Variants in PAK1 observed in about 807,000 individuals in gnomAD.
PAK1 encodes the protein serine/threonine-protein kinase PAK 1.
Under a neutral mutation model 67.4 loss-of-function variants are expected in PAK1, and 29 were observed. The observed-to-expected ratio is 0.43, with a 90% confidence interval of 0.32 to 0.59. The LOEUF (loss-of-function observed/expected upper bound fraction) is 0.59. PAK1 is among the 20% of genes least tolerant of loss of function. The probability of loss-of-function intolerance (pLI) is 0.07; values close to 1 mark genes in which losing one functional copy is unlikely to be tolerated. For missense variants in PAK1, 337 were observed against 670.7 expected, an observed-to-expected ratio of 0.50 and a Z score of 5.50; for synonymous variants, 223 against 237.4, an observed-to-expected ratio of 0.94 and a Z score of 0.56.
chr11:77,357,116 G>A lies in PAK1; in HGVS notation c.598-1274C>T, dbSNP rs371284774. Among the ~76,000 whole-genome samples the A allele has an allele frequency of 1.4e-3, 219 of 152,210 alleles. 8 individuals carry two copies. The South Asian group carries it at 0.044, about 30-fold the overall frequency. On this transcript the variant is annotated intron_variant, in intron 6 of 14. Transcript: ENST00000356341. ...ATCCTGCAACTGGATCCTGAAGGAC[G>A]GATAGGTTTCTACAAAGATAGAGGA...
intron 14 of PAK1, among the ~76,000 whole-genome samples, chr11:77,329,599 A>C (rs1458574172): frequency 1.3e-5 from 2 of 151,948 alleles, no homozygotes; most frequent in African/African-American, 4.8e-5. Context: ...CATGCTAAAC[A>C]CTCTCAATAA....
the PAK1 span, among the ~76,000 whole-genome samples, chr11:77,489,376 A>C: frequency 2.1e-5 from 3 of 146,194 alleles, no homozygotes; most frequent in Admixed American, 6.7e-5. Flanking sequence ...GCTCTCTCCT[A>C]TCTCCCCTCC....
chr11:77,483,490 C>A, the PAK1 span, among the ~76,000 whole-genome samples: 1 of 152,180 alleles, frequency 6.6e-6, no homozygotes, highest in Non-Finnish European at 1.5e-5. Context: ...CATGAAATTT[C>A]TTTAAAAAGG....
intron 2 of PAK1, among the ~76,000 whole-genome samples, chr11:77,387,984 G>A (rs1290956197): frequency 6.6e-6 from 1 of 152,212 alleles, no homozygotes. Context: ...TTTGATGTAT[G>A]CATTAGTTAT....
intron 1 of PAK1, among the ~76,000 whole-genome samples, chr11:77,460,422 G>A (rs1219103903): frequency 6.6e-6 from 1 of 151,078 alleles, no homozygotes; most frequent in Non-Finnish European, 1.5e-5. Context: ...CAGGAGGGGA[G>A]TAGGCTGCAG....
At chr11:77,518,734 T>C in the PAK1 span, among the ~76,000 whole-genome samples, 6 of 152,198 alleles carry the variant, frequency 3.9e-5, no homozygotes, top group Non-Finnish European at 7.3e-5. Context: ...CAGCTAAAGA[T>C]GAGCAAGTTA....
chr11:77,507,317 C>T, the PAK1 span, among the ~76,000 whole-genome samples: 1 of 152,192 alleles, frequency 6.6e-6, no homozygotes, highest in Non-Finnish European at 1.5e-5. Context: ...TTAAGATTCT[C>T]TCCTTCACGG....
chr11:77,463,682 A>C (rs1957466031), intron 1 of PAK1, among the ~76,000 whole-genome samples: 1 of 152,240 alleles, frequency 6.6e-6, no homozygotes, highest in South Asian at 2.1e-4. Flanking sequence ...AGACTTTGGC[A>C]ATTACTGTCT....
chr11:77,418,245 C>G (rs1025861789), intron 1 of PAK1, among the ~76,000 whole-genome samples: 1 of 152,098 alleles, frequency 6.6e-6, no homozygotes, highest in Non-Finnish European at 1.5e-5. Flanking sequence ...AATTTCTATG[C>G]TTATCTCATT....
At chr11:77,380,022 A>G (rs1409563076) in intron 2 of PAK1, 28 bp from the exon 3 acceptor site, 2 of 1,531,724 alleles carry the variant, frequency 1.3e-6, no homozygotes, top group African/African-American at 2.7e-5. Flanking sequence ...AAAAGGAAAT[A>G]AAAAACAGGA....
At chr11:77,331,814 TA>T (rs35258337) in intron 14 of PAK1, among the ~76,000 whole-genome samples, 36,611 of 149,348 alleles carry the variant, frequency 0.25, 5,080 homozygotes, top group Non-Finnish European at 0.32. Flanking sequence ...AAAAAAGAAT[TA>T]AAAAAAAAGA....
At chr11:77,388,837 C>G (rs1204812703) in intron 2 of PAK1, among the ~76,000 whole-genome samples, 1 of 152,206 alleles carries the variant, frequency 6.6e-6, no homozygotes, top group African/African-American at 2.4e-5. Flanking sequence ...ATAAGATTGT[C>G]CCTCCAGGTT....
intron 5 of PAK1, among the ~76,000 whole-genome samples, chr11:77,360,284 T>C (rs570902105): frequency 4.6e-5 from 7 of 152,308 alleles, no homozygotes; most frequent in African/African-American, 1.4e-4. Context: ...GTGCCGGGCA[T>C]ATATAAGCAG....
chr11:77,436,173 AG>A (rs1188234327), intron 1 of PAK1, among the ~76,000 whole-genome samples: 25 of 152,198 alleles, frequency 1.6e-4, no homozygotes, highest in African/African-American at 6.0e-4. Context: ...CCAGGTTGGC[AG>A]GGAGAGTAAG....
chr11:77,405,670 GACAGACACACACAC>G (rs1265789794), intron 1 of PAK1, among the ~76,000 whole-genome samples: 2 of 125,662 alleles, frequency 1.6e-5, no homozygotes, highest in Middle Eastern at 3.8e-3. Flanking sequence ...CAGACAGACA[GACAGACACACACAC>G]ACACACACAC....
chr11:77,428,978 G>T (rs1592437990), intron 1 of PAK1, among the ~76,000 whole-genome samples: 2 of 147,104 alleles, frequency 1.4e-5, no homozygotes, highest in Non-Finnish European at 3.0e-5. Flanking sequence ...CTATGAGAAG[G>T]CCTGGGAGCA....
intron 1 of PAK1, among the ~76,000 whole-genome samples, chr11:77,427,492 C>T (rs564962878): frequency 1.3e-5 from 2 of 152,278 alleles, no homozygotes; most frequent in South Asian, 4.1e-4. Context: ...GGATGCCAGA[C>T]TCCAAACCCT....
chr11:77,517,366 C>T, the PAK1 span, among the ~76,000 whole-genome samples: 2 of 152,182 alleles, frequency 1.3e-5, no homozygotes, highest in Non-Finnish European at 2.9e-5. Context: ...GCTAGGTCTG[C>T]CCCACTGTGT....
intron 7 of PAK1, among the ~76,000 whole-genome samples, chr11:77,354,320 C>T (rs758413282): frequency 3.9e-5 from 6 of 152,206 alleles, no homozygotes; most frequent in South Asian, 2.1e-4. Context: ...TTTAGTCTCC[C>T]GGTCCAATGT....
Sources: gnomAD v4.1 joint callset for allele counts (sites outside exome capture counted in the v4.1 genomes callset) on GRCh38, gnomAD v4.1.1 for gene constraint, MANE v1.5 for transcripts, NCBI Gene and HGNC (gene_info 2026-07-23, HGNC 2026-07-21) for gene names.